The following AHDC1 variants were observed in gnomAD, a reference collection of about 807,000 sequenced individuals.
The protein encoded by AHDC1 is AT-hook DNA binding motif containing 1.
AHDC1 carries 7 observed loss-of-function variants against 87.9 expected under a neutral mutation model. The ratio of observed to expected loss-of-function variants is 0.08; its 90% CI spans 0.05 to 0.15. AHDC1 has a LOEUF of 0.15. AHDC1 is among the 10% of genes least tolerant of loss of function. The pLI is 1.00. For synonymous variants in AHDC1, 1,051 were observed against 1,006.8 expected (o/e 1.04, Z -0.83); for missense variants, 1,841 against 2,253.2 (o/e 0.82, Z 3.70).
At chr1:27,599,290 C>T (rs1248258873) in intron 3 of AHDC1, among the ~76,000 whole-genome samples, 1 of 152,076 alleles carries the variant, frequency 6.6e-6, no homozygotes, top group Non-Finnish European at 1.5e-5. Flanking sequence ...CCTCCCTGCC[C>T]TCTCCCTCCC....
rs182431290 is a variant in AHDC1 at position 27,567,368 on chromosome 1, G to A, written c.-628-8485C>T. On this transcript the variant is annotated intron_variant, in intron 3 of 8. Transcript: ENST00000673934. Reference sequence around the variant, plus strand: ...AATTGTTAAAGCCCAAGAATAAACAGCTGAAGCGGCCGTCGGGGGGCCGGG... The same window carrying A: ...AATTGTTAAAGCCCAAGAATAAACAACTGAAGCGGCCGTCGGGGGGCCGGG... Among the ~76,000 whole-genome samples, 198 of 152,316 alleles carry A rather than the reference G, an allele frequency of 1.3e-3. 2 individuals carry two copies. Among genetic ancestry groups the A allele is most frequent in the Non-Finnish European group, 2.6e-3 (178 of 68,024 alleles).
rs915340245 is a variant in AHDC1, at chr1:27,547,207, G to A, written c.*43+54C>T. 5 of 1,268,668 alleles carry A rather than the reference G, an allele frequency of 3.9e-6. No homozygotes were observed. Among genetic ancestry groups the A allele is most frequent in the South Asian group, 1.5e-5 (1 of 67,828 alleles). 78.6% of individuals were successfully genotyped at this position (1,268,668 alleles called of 1,614,324 possible). On this transcript the variant is annotated intron_variant, in intron 8 of 8. Transcript: ENST00000673934. The surrounding 1 kb of genome is among the most constrained non-coding windows in gnomAD (Gnocchi z 4.9). ...CCTCTGTCCTTGCCTAAGCTCTGAT[G>A]TCCTCTTCCCACCCCCAGGCCTCTG...
chr1:27,536,647 G>A (rs553188680), intron 8 of AHDC1, among the ~76,000 whole-genome samples: 21 of 152,270 alleles, frequency 1.4e-4, no homozygotes, highest in African/African-American at 4.8e-4. Context: ...AGCGCTGGGG[G>A]CATCTATCCA....
chr1:27,589,115 C>T (rs1206840856), intron 3 of AHDC1, among the ~76,000 whole-genome samples: 1 of 151,888 alleles, frequency 6.6e-6, no homozygotes, highest in Admixed American at 6.6e-5. Context: ...TGGGGGCTGG[C>T]CCTGGGCCCA....
rs983198431 is a variant in AHDC1 at position 27,563,240 on chromosome 1, C to G, written c.-628-4357G>C. On this transcript the variant is annotated intron_variant, in intron 3 of 8. Transcript: ENST00000673934. This position sits in a 1 kb window ranked among gnomAD's most constrained non-coding sequence, Gnocchi z 6.1. ...CACACAGCTGACCAAGACACACACA[C>G]ACGCACGCATGCATGCACACACCCA... Among the ~76,000 whole-genome samples, 10 of 151,754 alleles carry G rather than the reference C, an allele frequency of 6.6e-5. No homozygotes were observed. Among genetic ancestry groups the G allele is most frequent in the African/African-American group, 2.4e-4 (10 of 41,252 alleles).
In AHDC1 at chr1:27,565,583, G is replaced by A. The variant is rs188494012; in HGVS notation, c.-628-6700C>T. On this transcript the variant is annotated intron_variant, in intron 3 of 8. Transcript: ENST00000673934. This position sits in a 1 kb window ranked among gnomAD's most constrained non-coding sequence, Gnocchi z 4.6. Reference sequence around the variant, plus strand: ...CCCCCGGCGCTGGTGAGCAAGGGGCGGGAGTCACTCTAGTCTTTCCTTGTT... The same window carrying A: ...CCCCCGGCGCTGGTGAGCAAGGGGCAGGAGTCACTCTAGTCTTTCCTTGTT... Among the ~76,000 whole-genome samples the A allele has an allele frequency of 1.3e-3, 198 of 152,304 alleles. 1 individual carries two copies. Among genetic ancestry groups the A allele is most frequent in the African/African-American group, 4.5e-3 (189 of 41,546 alleles).
chr1:27,564,485 A>C (rs530415039), intron 3 of AHDC1, among the ~76,000 whole-genome samples: 2 of 152,328 alleles, frequency 1.3e-5, no homozygotes, highest in Non-Finnish European at 2.9e-5. Context: ...AGGTAGCATA[A>C]AGTGGGCCGC....
Position 27,550,356 on chromosome 1 carries a change from C to A in AHDC1, c.1760G>T (p.Arg587Leu). 6.2e-7 allele frequency: 1 copy of A among 1,614,040 alleles called. No homozygotes were observed. The highest frequency in any genetic ancestry group is 1.3e-5 in the African/African-American group (1 of 75,060). The change falls in exon 8 of 9, where the codon CGA (arginine) becomes CTA (leucine). Residue 587 changes from arginine (R) to leucine (L), a missense_variant. Physicochemically the swap from Arg to Leu is moderately radical, Grantham distance 102 (BLOSUM62 -2). Transcript: ENST00000673934. ...TGCCAGCTTCTGCTTCCGCCGCCGT[C>A]GTTTTTTTACCTCTGGCATGGCCAT... Reference protein sequence around the residue: ...ATMAMPEVKKRRRRKQKLASP... With the variant: ...ATMAMPEVKKLRRRKQKLASP...
chr1:27,541,498 T>C (rs1220529654), intron 8 of AHDC1, among the ~76,000 whole-genome samples: 2 of 151,962 alleles, frequency 1.3e-5, no homozygotes, highest in Non-Finnish European at 1.5e-5. Context: ...TTTGTGTTTT[T>C]AGTAGAGACA....
chr1:27,534,958 G>C (rs577680114), intron 8 of AHDC1, 42 bp from the exon 9 acceptor site: 1 of 152,088 alleles, frequency 6.6e-6, no homozygotes, highest in Non-Finnish European at 1.5e-5. Context: ...TGAGCGGCAC[G>C]CATCGACTGT....
At chr1:27,582,532 A>G (rs748780977) in intron 3 of AHDC1, among the ~76,000 whole-genome samples, 3 of 152,210 alleles carry the variant, frequency 2.0e-5, no homozygotes, top group African/African-American at 7.2e-5. Context: ...ATCACCATCT[A>G]ACGACCATTT....
intron 3 of AHDC1, among the ~76,000 whole-genome samples, chr1:27,566,944 T>C (rs188806347): frequency 6.0e-4 from 91 of 151,388 alleles, no homozygotes; most frequent in Middle Eastern, 3.4e-3. Context: ...AAAGGCAGGG[T>C]AAGGAAGAAG....
At chr1:27,577,737 GCT>G (rs1327522100) in intron 3 of AHDC1, among the ~76,000 whole-genome samples, 2 of 152,180 alleles carry the variant, frequency 1.3e-5, no homozygotes, top group East Asian at 3.8e-4. Flanking sequence ...TGGAGCTCCT[GCT>G]CTCTCAAGGG....
chr1:27,566,719 G>C (rs1025431313), intron 3 of AHDC1, among the ~76,000 whole-genome samples: 2 of 146,772 alleles, frequency 1.4e-5, no homozygotes, highest in Non-Finnish European at 1.5e-5. Flanking sequence ...TGCCAGAACT[G>C]GGGGGGGACA....
At position 27,562,701 on chromosome 1, in the gene AHDC1, C is replaced by T. The variant is rs2020146750; in HGVS notation, c.-628-3818G>A. The stretch of plus-strand genomic sequence containing the variant: ...CCCTAAGCATTTCCTCTGGCCAGCC[C>T]TTTGGGGCTCTGTGGTCTGCATGGG... On this transcript the variant is annotated intron_variant, in intron 3 of 8. Transcript: ENST00000673934. This position sits in a 1 kb window ranked among gnomAD's most constrained non-coding sequence, Gnocchi z 4.4. Among the ~76,000 whole-genome samples the T allele has an allele frequency of 6.6e-6, 1 of 152,212 alleles. No individual in the cohort carries two copies. The highest frequency in any genetic ancestry group is 2.4e-5 in the African/African-American group (1 of 41,444).
chr1:27,602,980 C>T (rs1571362889), intron 3 of AHDC1, among the ~76,000 whole-genome samples: 4 of 136,198 alleles, frequency 2.9e-5, no homozygotes, highest in Non-Finnish European at 3.1e-5. Context: ...ACGGTCCCCC[C>T]TTCATTCCCC....
chr1:27,551,002 C>G lies in AHDC1; in HGVS notation c.1114G>C (p.Gly372Arg). 1 of 1,572,596 alleles carries G rather than the reference C, an allele frequency of 6.4e-7. No homozygotes were observed. Among genetic ancestry groups the G allele is most frequent in the South Asian group, 1.2e-5 (1 of 86,940 alleles). Residue 372 changes from glycine (G) to arginine (R), a missense_variant, in exon 8 of 9, where the codon GGC becomes CGC. This residue lies in a region of AHDC1 where 370 missense variants were observed against 391.5 expected (regional missense o/e 0.95). Coordinates refer to ENST00000673934, the MANE Select transcript of AHDC1 (RefSeq NM_001371928.1). ...PLRLDLCSPH[G>R]PPGPEGHPKY... ...GGGTGACCCTCAGGCCCGGGGGGGCCGTGCGGTGAGCACAAGTCCAGGCGC... is the reference window on the plus strand; with the variant it reads ...GGGTGACCCTCAGGCCCGGGGGGGCGGTGCGGTGAGCACAAGTCCAGGCGC...
At chr1:27,556,066 GT>G (rs2019801737) in intron 5 of AHDC1, among the ~76,000 whole-genome samples, 2 of 152,214 alleles carry the variant, frequency 1.3e-5, no homozygotes, top group Non-Finnish European at 2.9e-5. Context: ...TTGGGTCAGT[GT>G]GTCTGAGCTT....
intron 3 of AHDC1, among the ~76,000 whole-genome samples, chr1:27,603,145 C>A: frequency 6.7e-6 from 1 of 148,508 alleles, no homozygotes; most frequent in Non-Finnish European, 1.5e-5. Context: ...ACCCGAGAAC[C>A]CCCCCTCCCC....
Sources: allele counts gnomAD v4.1 joint callset (sites outside exome capture counted in the v4.1 genomes callset), GRCh38; gene constraint gnomAD v4.1.1; regional missense constraint gnomAD v4.1.1; non-coding constraint Gnocchi (gnomAD v3.1); transcripts MANE v1.5; gene names NCBI Gene and HGNC (gene_info 2026-07-23, HGNC 2026-07-21).